Variants in FGGY observed in about 807,000 individuals in gnomAD.
The protein encoded by FGGY is FGGY carbohydrate kinase domain-containing protein.
Under a neutral mutation model 71.3 loss-of-function variants are expected in FGGY, and 72 were observed. That is an observed-to-expected ratio of 1.01 (90% CI 0.84 to 1.23). FGGY has a LOEUF of 1.23. Ranked by LOEUF, FGGY falls within the 50% of genes most tolerant of loss-of-function variation. The pLI is 0.00. For missense variants in FGGY, 668 were observed against 682.3 expected, an observed-to-expected ratio of 0.98 and a Z score of 0.23; for synonymous variants, 251 against 250.3, an observed-to-expected ratio of 1.00 and a Z score of -0.02.
chr1:59,494,397 A>T (rs1487179333), intron 6 of FGGY, among the ~76,000 whole-genome samples: 2 of 152,182 alleles, frequency 1.3e-5, no homozygotes, highest in Non-Finnish European at 2.9e-5. Context: ...CAGCAGGAGC[A>T]GAGGCCCAGG....
chr1:59,632,222 A>G (rs1476088639), intron 10 of FGGY, among the ~76,000 whole-genome samples: 2 of 152,240 alleles, frequency 1.3e-5, no homozygotes, highest in African/African-American at 4.8e-5. Context: ...CTATATACAT[A>G]TACACATATG....
At chr1:59,527,914 T>G (rs1570708763) in intron 7 of FGGY, among the ~76,000 whole-genome samples, 1 of 152,232 alleles carries the variant, frequency 6.6e-6, no homozygotes, top group African/African-American at 2.4e-5. Flanking sequence ...TCCATTCTTA[T>G]TACTTCTTGC....
chr1:59,304,314 A>G (rs1416632928), intron 1 of FGGY, among the ~76,000 whole-genome samples: 1 of 152,110 alleles, frequency 6.6e-6, no homozygotes, highest in Non-Finnish European at 1.5e-5. Flanking sequence ...TTCCAACACC[A>G]TTTATTCAAG....
intron 7 of FGGY, among the ~76,000 whole-genome samples, chr1:59,531,319 A>G (rs189935374): frequency 6.6e-6 from 1 of 152,260 alleles, no homozygotes; most frequent in East Asian, 1.9e-4. Flanking sequence ...TTGAAGTGGT[A>G]TTGTTGGAAT....
In FGGY at chr1:59,457,045, A is replaced by G. The variant is rs1470487309; in HGVS notation, c.639A>G (p.Glu213=). The G allele has an allele frequency of 6.2e-7, 1 of 1,614,014 alleles. No individual in the cohort carries two copies. Among genetic ancestry groups the G allele is most frequent in the Non-Finnish European group, 8.5e-7 (1 of 1,179,876 alleles). The change falls in exon 6 of 16, where the codon GAA becomes GAG. Residue 213 remains glutamate, a synonymous_variant. Coordinates refer to ENST00000303721, the MANE Select transcript of FGGY (RefSeq NM_018291.5). ...DDSFWKMIGL[E]DFVADNYSKI... ...GTTTCTGGAAAATGATTGGTTTGGA[A>G]GACTTTGTTGCAGATAATTACAGCA...
chr1:59,533,336 G>A (rs1445570870), intron 7 of FGGY, among the ~76,000 whole-genome samples: 1 of 152,244 alleles, frequency 6.6e-6, no homozygotes, highest in African/African-American at 2.4e-5. Context: ...CCCGCACCTG[G>A]CTCGGAGGGT....
Position 59,732,743 on chromosome 1 carries a change from C to T in FGGY, c.1513-25188C>T, listed in dbSNP as rs552340882. ...ACTTTATGCAGACCACTGTCGCCCC[C>T]ACCTAGACCACTGCGGTATCTCCTA... is the stretch of plus-strand genomic sequence containing the variant. On this transcript the variant is annotated intron_variant, in intron 14 of 15. Transcript: ENST00000303721. Among the ~76,000 whole-genome samples, 27 of 152,258 alleles carry T rather than the reference C, an allele frequency of 1.8e-4. No individual in the cohort carries two copies. In the South Asian group the frequency reaches 5.4e-3, roughly 30 times the overall value.
rs1354019788 is a variant in FGGY, at chr1:59,621,455, G to A, written c.1012-4533G>A. Among the ~76,000 whole-genome samples, 55 of 79,238 alleles carry A rather than the reference G, an allele frequency of 6.9e-4. No individual in the cohort carries two copies. The East Asian group carries it at 0.011, about 16-fold the overall frequency. The allele number at this position is 79,238 out of a possible 152,430, so 52.0% of individuals were successfully genotyped here. ...GCCTAAAGAACTTGTCTTAGCCTCC[G>A]TCTCAAAAAAAAAAAAAAAAAAAAA... On this transcript the variant is annotated intron_variant, in intron 9 of 15. Transcript: ENST00000303721.
At chr1:59,633,146 G>A (rs999601647) in intron 10 of FGGY, among the ~76,000 whole-genome samples, 2 of 151,906 alleles carry the variant, frequency 1.3e-5, no homozygotes, top group Admixed American at 6.6e-5. Context: ...GAGTAGCTGG[G>A]ACTACAGGCG....
chr1:59,376,688 C>G (rs555596236), intron 4 of FGGY, among the ~76,000 whole-genome samples: 10 of 152,228 alleles, frequency 6.6e-5, no homozygotes, highest in African/African-American at 2.4e-4. Flanking sequence ...CTGTGTGTTA[C>G]CCTGCGGCAG....
At chr1:59,466,755 A>G (rs1209693811) in intron 6 of FGGY, among the ~76,000 whole-genome samples, 3 of 152,258 alleles carry the variant, frequency 2.0e-5, no homozygotes, top group Non-Finnish European at 2.9e-5. Context: ...ACATGAAAAC[A>G]TGCTCATCAT....
At chr1:59,436,260 C>A (rs1270086499) in intron 5 of FGGY, among the ~76,000 whole-genome samples, 1 of 152,074 alleles carries the variant, frequency 6.6e-6, no homozygotes, top group East Asian at 1.9e-4. Context: ...TCCTTATGTT[C>A]TCTTCCCACG....
intron 7 of FGGY, among the ~76,000 whole-genome samples, chr1:59,524,937 G>T (rs1356899695): frequency 2.0e-5 from 3 of 152,238 alleles, no homozygotes; most frequent in Admixed American, 6.5e-5. Flanking sequence ...TCGCTACTTT[G>T]TGGGCAATGA....
chr1:59,579,942 C>T (rs1446103611), intron 8 of FGGY, among the ~76,000 whole-genome samples: 4 of 152,186 alleles, frequency 2.6e-5, no homozygotes, highest in African/African-American at 9.7e-5. Context: ...ACCACTGCAG[C>T]TGCCCTGATT....
At chr1:59,719,956 T>C (rs1411351983) in intron 14 of FGGY, among the ~76,000 whole-genome samples, 3 of 152,234 alleles carry the variant, frequency 2.0e-5, no homozygotes, top group Non-Finnish European at 4.4e-5. Context: ...ATCGACAATT[T>C]ACTCCCATGT....
At chr1:59,540,412 A>C (rs2095422187) in intron 7 of FGGY, among the ~76,000 whole-genome samples, 1 of 152,212 alleles carries the variant, frequency 6.6e-6, no homozygotes, top group Non-Finnish European at 1.5e-5. Flanking sequence ...AAAATGTACA[A>C]AATATTGCTA....
At chr1:59,614,372 A>G (rs2096726371) in intron 9 of FGGY, among the ~76,000 whole-genome samples, 1 of 152,260 alleles carries the variant, frequency 6.6e-6, no homozygotes, top group Non-Finnish European at 1.5e-5. Context: ...GTAATCCTGC[A>G]TATAAACAGA....
At chr1:59,708,927 C>CA in intron 14 of FGGY, among the ~76,000 whole-genome samples, 1 of 152,276 alleles carries the variant, frequency 6.6e-6, no homozygotes, top group East Asian at 1.9e-4. Context: ...TACAAACATT[C>CA]AAAAATCCAA....
intron 8 of FGGY, among the ~76,000 whole-genome samples, chr1:59,594,050 C>T (rs572552908): frequency 2.6e-5 from 4 of 152,232 alleles, no homozygotes; most frequent in East Asian, 3.9e-4. Context: ...AACACAAATC[C>T]CTCAAGTGTA....
Sources: gnomAD v4.1 joint callset for allele counts (sites outside exome capture counted in the v4.1 genomes callset) on GRCh38, gnomAD v4.1.1 for gene constraint, MANE v1.5 for transcripts, NCBI Gene and HGNC (gene_info 2026-07-23, HGNC 2026-07-21) for gene names.